Variants in NTNG1 observed in about 807,000 individuals in gnomAD.
The protein encoded by NTNG1 is netrin G1, also known as netrin-G1.
NTNG1 carries 16 observed loss-of-function variants against 54.0 expected under a neutral mutation model. The ratio of observed to expected loss-of-function variants is 0.30; its 90% CI spans 0.20 to 0.45. The LOEUF is 0.45. Ranked by LOEUF, NTNG1 falls within the 20% of genes least tolerant of loss-of-function variation. The pLI is 1.00. For synonymous variants in NTNG1, 255 were observed against 263.1 expected (o/e 0.97, Z 0.30); for missense variants, 530 against 678.7 (o/e 0.78, Z 2.43).
intron 2 of NTNG1, among the ~76,000 whole-genome samples, chr1:107,209,346 A>C (rs1659441621): frequency 6.6e-6 from 1 of 152,120 alleles, no homozygotes; most frequent in African/African-American, 2.4e-5. Flanking sequence ...GTCATGATGA[A>C]GATGCCTCAA....
intron 5 of NTNG1, among the ~76,000 whole-genome samples, chr1:107,421,820 C>G (rs1254647975): frequency 6.6e-6 from 1 of 152,002 alleles, no homozygotes; most frequent in East Asian, 1.9e-4. Context: ...TTTAAATGTC[C>G]TGTGTAACAG....
At chr1:107,355,042 T>C (rs2100919231) in intron 3 of NTNG1, among the ~76,000 whole-genome samples, 1 of 152,322 alleles carries the variant, frequency 6.6e-6, no homozygotes, top group South Asian at 2.1e-4. Flanking sequence ...ATGAAACTCT[T>C]ATCATTGAAT....
chr1:107,343,772 T>G (rs1669062912), intron 3 of NTNG1, among the ~76,000 whole-genome samples: 2 of 152,128 alleles, frequency 1.3e-5, no homozygotes, highest in Admixed American at 1.3e-4. Context: ...CTAAAAACAT[T>G]TCTCTTTGTT....
chr1:107,216,275 C>T (rs1205105012), intron 2 of NTNG1, among the ~76,000 whole-genome samples: 1 of 152,118 alleles, frequency 6.6e-6, no homozygotes, highest in Non-Finnish European at 1.5e-5. Context: ...ATACTGTTGG[C>T]TATAGGTTTG....
chr1:107,215,986 A>G (rs549795823), intron 2 of NTNG1, among the ~76,000 whole-genome samples: 3 of 152,202 alleles, frequency 2.0e-5, no homozygotes, highest in Admixed American at 6.5e-5. Context: ...TGATTTGTGT[A>G]CGTTAAATAT....
At chr1:107,235,097 G>A (rs1423243097) in intron 2 of NTNG1, among the ~76,000 whole-genome samples, 1 of 152,140 alleles carries the variant, frequency 6.6e-6, no homozygotes, top group Non-Finnish European at 1.5e-5. Context: ...TAAAAGGTTA[G>A]GTAATTTTCC....
At chr1:107,471,339 C>A (rs1677964033) in intron 7 of NTNG1, among the ~76,000 whole-genome samples, 1 of 152,186 alleles carries the variant, frequency 6.6e-6, no homozygotes, top group Admixed American at 6.5e-5. Flanking sequence ...TCTTCAGATG[C>A]ATACAGACAA....
At chr1:107,263,324 C>G (rs1570529654) in intron 2 of NTNG1, among the ~76,000 whole-genome samples, 3 of 136,622 alleles carry the variant, frequency 2.2e-5, no homozygotes, top group Non-Finnish European at 5.0e-5. Flanking sequence ...TTCCTTCCTT[C>G]TTTCCTTCCT....
At chr1:107,387,083 T>A (rs1672053405) in intron 3 of NTNG1, among the ~76,000 whole-genome samples, 2 of 152,392 alleles carry the variant, frequency 1.3e-5, no homozygotes, top group Middle Eastern at 3.4e-3. Flanking sequence ...TCACCCATTT[T>A]CTAATTGGGT....
chr1:107,381,638 C>T (rs565786082), intron 3 of NTNG1, among the ~76,000 whole-genome samples: 140 of 152,258 alleles, frequency 9.2e-4, no homozygotes, highest in African/African-American at 3.2e-3. Flanking sequence ...GTGATGTACT[C>T]TGTGCTGTAG....
At chr1:107,225,559 T>C (rs541494761) in intron 2 of NTNG1, among the ~76,000 whole-genome samples, 1 of 152,154 alleles carries the variant, frequency 6.6e-6, no homozygotes, top group East Asian at 1.9e-4. Flanking sequence ...CTGAGCAAGA[T>C]ACATAACCTC....
chr1:107,475,141 A>G (rs1454698042), intron 7 of NTNG1, among the ~76,000 whole-genome samples: 1 of 152,232 alleles, frequency 6.6e-6, no homozygotes, highest in Admixed American at 6.5e-5. Flanking sequence ...AAAGCAGAGC[A>G]CTTAGTCAAT....
chr1:107,393,495 A>G (rs977654219), intron 3 of NTNG1, among the ~76,000 whole-genome samples: 1 of 152,154 alleles, frequency 6.6e-6, no homozygotes, highest in African/African-American at 2.4e-5. Flanking sequence ...TTTTTAAGGA[A>G]TATACAAATG....
intron 7 of NTNG1, among the ~76,000 whole-genome samples, chr1:107,456,793 G>A (rs597258): frequency 0.96 from 146,898 of 152,310 alleles, 71,061 homozygotes; most frequent in East Asian, 1. Flanking sequence ...CAAGACCTCA[G>A]TCCCCAAGTT....
rs149315715 is a variant in NTNG1, at chr1:107,239,739, T to G, written c.247-84543T>G. ...ACTTCTGGTCAGGTTGGCTTAGAGT[T>G]GGGGTGTGGGGCAGAATAGATTAGG... On this transcript the variant is annotated intron_variant, in intron 2 of 7. Coordinates refer to ENST00000370068, the MANE Select transcript of NTNG1 (RefSeq NM_001113226.3). Among the ~76,000 whole-genome samples the G allele has an allele frequency of 8.3e-4, 127 of 152,136 alleles. 4 individuals carry two copies. In the East Asian group the frequency reaches 0.023, roughly 28 times the overall value.
At chr1:107,293,800 A>G (rs1181799282) in intron 2 of NTNG1, among the ~76,000 whole-genome samples, 1 of 152,230 alleles carries the variant, frequency 6.6e-6, no homozygotes, top group Non-Finnish European at 1.5e-5. Flanking sequence ...ATAAGAGTCT[A>G]TAAAAGGATG....
intron 3 of NTNG1, among the ~76,000 whole-genome samples, chr1:107,381,917 G>T (rs981329987): frequency 5.3e-5 from 8 of 152,084 alleles, no homozygotes; most frequent in Non-Finnish European, 7.4e-5. Flanking sequence ...CTTCTATCAG[G>T]TTGGCAGTAT....
intron 4 of NTNG1, among the ~76,000 whole-genome samples, chr1:107,399,859 A>G (rs1045883399): frequency 6.6e-6 from 1 of 152,096 alleles, no homozygotes; most frequent in Non-Finnish European, 1.5e-5. Flanking sequence ...TTCAATGCCT[A>G]TTTGAACAAG....
intron 1 of NTNG1, among the ~76,000 whole-genome samples, chr1:107,144,752 G>C (rs997799371): frequency 3.4e-4 from 51 of 152,106 alleles, no homozygotes; most frequent in African/African-American, 1.2e-3. Flanking sequence ...TGAGGGCCAT[G>C]ACTTAATTTT....
Sources: gnomAD v4.1 joint callset for allele counts (sites outside exome capture counted in the v4.1 genomes callset) on GRCh38, gnomAD v4.1.1 for gene constraint, MANE v1.5 for transcripts, NCBI Gene and HGNC (gene_info 2026-07-23, HGNC 2026-07-21) for gene names.